Variants in NAALADL2 observed in about 807,000 individuals in gnomAD.
NAALADL2 encodes the protein inactive N-acetylated-alpha-linked acidic dipeptidase-like protein 2.
NAALADL2 carries 76 observed loss-of-function variants against 87.2 expected under a neutral mutation model. That is an observed-to-expected ratio of 0.87 (90% CI 0.72 to 1.05). The LOEUF (loss-of-function observed/expected upper bound fraction) is 1.05. Among genes scored for constraint, NAALADL2 ranks in the 50% least tolerant of loss-of-function variants. The pLI is 0.00. For missense variants in NAALADL2, 1,089 were observed against 945.8 expected, an observed-to-expected ratio of 1.15 and a Z score of -1.99; for synonymous variants, 354 against 331.0, an observed-to-expected ratio of 1.07 and a Z score of -0.75.
At chr3:175,727,700 T>C (rs1743117457) in intron 11 of NAALADL2, among the ~76,000 whole-genome samples, 1 of 152,168 alleles carries the variant, frequency 6.6e-6, no homozygotes, top group African/African-American at 2.4e-5. Context: ...TCCTAAAAGG[T>C]TAGAGATTCC....
intron 1 of NAALADL2, among the ~76,000 whole-genome samples, chr3:174,929,743 A>G (rs781246547): frequency 1.8e-4 from 27 of 152,258 alleles, no homozygotes; most frequent in Non-Finnish European, 3.2e-4. Flanking sequence ...TTGTTTTACA[A>G]AATACTTTTA....
intron 1 of NAALADL2, among the ~76,000 whole-genome samples, chr3:175,077,304 G>T (rs943787717): frequency 2.6e-5 from 4 of 152,162 alleles, no homozygotes; most frequent in Non-Finnish European, 4.4e-5. Flanking sequence ...CATCAAAGTG[G>T]CCTTTAGTGT....
At chr3:174,443,066 T>C (rs970388810) in intron 1 of NAALADL2, among the ~76,000 whole-genome samples, 2 of 152,174 alleles carry the variant, frequency 1.3e-5, no homozygotes, top group Non-Finnish European at 2.9e-5. Flanking sequence ...TAGTACTACA[T>C]GGTCTGCTAA....
At chr3:175,800,968 A>T (rs186053880) in intron 13 of NAALADL2, among the ~76,000 whole-genome samples, 1 of 152,270 alleles carries the variant, frequency 6.6e-6, no homozygotes, top group Non-Finnish European at 1.5e-5. Flanking sequence ...GGCTTAGGGC[A>T]TTAGGTAGAT....
rs78729355 is a variant in NAALADL2 at position 174,969,244 on chromosome 3, T to C, written c.43+109794T>C. Among the ~76,000 whole-genome samples, 602 of 152,318 alleles carry C rather than the reference T, an allele frequency of 4.0e-3. 3 individuals are homozygous for C. The highest frequency in any genetic ancestry group is 0.014 in the Middle Eastern group (4 of 294). On this transcript the variant is annotated intron_variant, in intron 1 of 13. Transcript: ENST00000454872. ...AGCAGGTATTCCATCCTTCATGTTA[T>C]CTTAAATGTCATTGTCTCAGGTAAG...
At chr3:175,745,495 T>G (rs1257924570) in intron 12 of NAALADL2, among the ~76,000 whole-genome samples, 1 of 152,190 alleles carries the variant, frequency 6.6e-6, no homozygotes. Flanking sequence ...TGCATATAAC[T>G]TGTGCACACT....
chr3:175,652,309 CAT>C (rs1730867894), intron 11 of NAALADL2, among the ~76,000 whole-genome samples: 1 of 151,984 alleles, frequency 6.6e-6, no homozygotes, highest in Non-Finnish European at 1.5e-5. Flanking sequence ...ATGTTTAAGA[CAT>C]ATTTATTTTG....
intron 5 of NAALADL2, among the ~76,000 whole-genome samples, chr3:175,419,025 T>A (rs568620630): frequency 2.0e-5 from 3 of 151,568 alleles, no homozygotes; most frequent in Admixed American, 6.6e-5. Context: ...TTTTTTTTTA[T>A]GTTTTGGAGT....
At chr3:175,714,566 T>C (rs1740981522) in intron 11 of NAALADL2, among the ~76,000 whole-genome samples, 1 of 152,178 alleles carries the variant, frequency 6.6e-6, no homozygotes, top group South Asian at 2.1e-4. Flanking sequence ...TGCCCACTTT[T>C]TGATGGGATT....
intron 9 of NAALADL2, among the ~76,000 whole-genome samples, chr3:175,567,740 G>C (rs1582434220): frequency 6.8e-6 from 1 of 147,722 alleles, no homozygotes; most frequent in Admixed American, 6.7e-5. Context: ...TTTTGAGAGA[G>C]AGTCTTACTC....
At chr3:174,988,656 T>C (rs1036399888) in intron 1 of NAALADL2, among the ~76,000 whole-genome samples, 6 of 152,172 alleles carry the variant, frequency 3.9e-5, no homozygotes, top group African/African-American at 1.4e-4. Context: ...CTCTCCTAGC[T>C]TCTAGTAGTT....
chr3:174,894,805 A>C (rs546596920), intron 1 of NAALADL2, among the ~76,000 whole-genome samples: 3 of 152,106 alleles, frequency 2.0e-5, no homozygotes, highest in Non-Finnish European at 2.9e-5. Flanking sequence ...GAGTCTTAAA[A>C]CATTCAAAAA....
intron 9 of NAALADL2, among the ~76,000 whole-genome samples, chr3:175,473,191 C>T (rs1480418300): frequency 6.6e-6 from 1 of 152,020 alleles, no homozygotes; most frequent in Non-Finnish European, 1.5e-5. Context: ...TATAACAGGA[C>T]TAAAATATTT....
chr3:174,882,425 T>TTGTGTG (rs72490338), intron 1 of NAALADL2, among the ~76,000 whole-genome samples: 1 of 149,264 alleles, frequency 6.7e-6, no homozygotes, highest in African/African-American at 2.5e-5. Flanking sequence ...TGTATGTGTG[T>TTGTGTG]TGTGTGTGTG....
intron 2 of NAALADL2, among the ~76,000 whole-genome samples, chr3:174,616,822 TA>T (rs1560095817): frequency 3.9e-5 from 6 of 151,994 alleles, no homozygotes; most frequent in Admixed American, 3.9e-4. Flanking sequence ...AATAGAAATA[TA>T]TCTGGTTTCT....
At chr3:175,483,926 A>G (rs1266779409) in intron 9 of NAALADL2, among the ~76,000 whole-genome samples, 1 of 151,882 alleles carries the variant, frequency 6.6e-6, no homozygotes, top group Non-Finnish European at 1.5e-5. Context: ...GTTTTCTGGA[A>G]GCAGGCTAAC....
At chr3:174,804,371 G>A (rs528923117) in intron 3 of NAALADL2, among the ~76,000 whole-genome samples, 20 of 152,274 alleles carry the variant, frequency 1.3e-4, no homozygotes, top group Admixed American at 1.1e-3. Context: ...TTTGTGCTGA[G>A]ACATTGGGGT....
intron 3 of NAALADL2, among the ~76,000 whole-genome samples, chr3:174,810,261 G>A (rs1040353762): frequency 6.6e-6 from 1 of 152,132 alleles, no homozygotes; most frequent in African/African-American, 2.4e-5. Context: ...GGGTGAAAGA[G>A]TTTGGAGGTC....
At chr3:175,105,560 A>G (rs1261169345) in intron 2 of NAALADL2, among the ~76,000 whole-genome samples, 1 of 107,208 alleles carries the variant, frequency 9.3e-6, no homozygotes, top group East Asian at 2.7e-4. Context: ...ATTTATATAT[A>G]TTTATATATT....
Sources: allele counts gnomAD v4.1 joint callset (sites outside exome capture counted in the v4.1 genomes callset), GRCh38; gene constraint gnomAD v4.1.1; transcripts MANE v1.5; gene names NCBI Gene and HGNC (gene_info 2026-07-23, HGNC 2026-07-21).